Variants in TNS1 observed in about 807,000 individuals in gnomAD.
TNS1 encodes tensin-1.
TNS1 carries 62 observed loss-of-function variants against 168.6 expected under a neutral mutation model. The observed-to-expected ratio is 0.37, with a 90% CI of 0.30 to 0.45. The LOEUF is 0.45. TNS1 is among the 20% of genes least tolerant of loss of function. TNS1 has a pLI of 1.00. For synonymous variants in TNS1, 934 were observed against 933.2 expected (o/e 1.00, Z -0.02); for missense variants, 2,240 against 2,339.4 (o/e 0.96, Z 0.88).
At chr2:217,839,888 G>T (rs1352565928) in intron 19 of TNS1, among the ~76,000 whole-genome samples, 1 of 152,198 alleles carries the variant, frequency 6.6e-6, no homozygotes, top group African/African-American at 2.4e-5. Context: ...CTGGGCCAGG[G>T]TGCCAGAAAG....
At chr2:217,939,975 C>T (rs1384170997) in intron 3 of TNS1, among the ~76,000 whole-genome samples, 1 of 152,234 alleles carries the variant, frequency 6.6e-6, no homozygotes, top group African/African-American at 2.4e-5. Context: ...CGCTCCAGAC[C>T]ATTGGAGGGA....
chr2:218,014,921 A>G (rs13034359), upstream of TNS1, among the ~76,000 whole-genome samples: 1,708 of 76,310 alleles, frequency 0.022, 26 homozygotes, highest in Non-Finnish European at 0.028. Flanking sequence ...GGAAGGAAGG[A>G]AGGCAGGCAG....
chr2:217,988,097 C>A (rs1461582321), intron 2 of TNS1, among the ~76,000 whole-genome samples: 1 of 152,228 alleles, frequency 6.6e-6, no homozygotes, highest in Non-Finnish European at 1.5e-5. Context: ...CTGGCCCCTG[C>A]ACCTTCCATG....
intron 2 of TNS1, among the ~76,000 whole-genome samples, chr2:217,980,504 C>CAGAGAGTGAG (rs1217065280): frequency 7.6e-6 from 1 of 131,232 alleles, no homozygotes; most frequent in African/African-American, 2.8e-5. Flanking sequence ...CCTACACACA[C>CAGAGAGTGAG]ACAGAGAGAG....
intron 4 of TNS1, among the ~76,000 whole-genome samples, chr2:217,910,713 TACACACACACACACACACACAC>T (rs10554233): frequency 1.9e-5 from 2 of 106,738 alleles, no homozygotes; most frequent in Non-Finnish European, 2.1e-5. Flanking sequence ...CACATACACA[TACACACACACACACACACACAC>T]ACACACACAC....
chr2:217,956,440 GA>G (rs1286754775), intron 3 of TNS1, among the ~76,000 whole-genome samples: 3 of 97,592 alleles, frequency 3.1e-5, no homozygotes, highest in Admixed American at 8.7e-5. Flanking sequence ...GCAGAAAAGA[GA>G]AAGAACAAAG....
chr2:217,934,815 AACAGGATCCC>A (rs1180992188), intron 3 of TNS1, among the ~76,000 whole-genome samples: 4 of 152,362 alleles, frequency 2.6e-5, no homozygotes, highest in Non-Finnish European at 4.4e-5. Context: ...CTGAAGAGCC[AACAGGATCCC>A]ACCTCGATGC....
intron 23 of TNS1, among the ~76,000 whole-genome samples, chr2:217,821,082 T>C (rs1431388030): frequency 2.0e-5 from 3 of 152,244 alleles, no homozygotes; most frequent in Non-Finnish European, 4.4e-5. Context: ...AAATCCTCGC[T>C]GCATCCCTAG....
chr2:217,828,566 G>A (rs570028972), intron 22 of TNS1, among the ~76,000 whole-genome samples: 1 of 152,124 alleles, frequency 6.6e-6, no homozygotes, highest in African/African-American at 2.4e-5. Flanking sequence ...CTGGCCTCCC[G>A]CCCAGGCTGG....
chr2:217,947,391 C>A (rs1559382915), intron 3 of TNS1, among the ~76,000 whole-genome samples: 2 of 151,956 alleles, frequency 1.3e-5, no homozygotes. Flanking sequence ...CAGTGCCTGG[C>A]ATCGAGCAGG....
chr2:217,870,270 C>T (rs1386750177), intron 18 of TNS1, among the ~76,000 whole-genome samples: 11 of 152,178 alleles, frequency 7.2e-5, no homozygotes, highest in Admixed American at 4.6e-4. Context: ...ACCCCTACCC[C>T]GTCTCCAGAC....
intron 18 of TNS1, among the ~76,000 whole-genome samples, chr2:217,869,627 C>T (rs1036212000): frequency 1.2e-4 from 19 of 152,206 alleles, no homozygotes; most frequent in Admixed American, 4.6e-4. Context: ...AGGCAGCCCT[C>T]AGCCAGCCAA....
In TNS1 at chr2:217,818,088, A is replaced by G; in HGVS notation, c.4244T>C (p.Val1415Ala). 1 of 1,613,562 alleles carries G rather than the reference A, an allele frequency of 6.2e-7. No individual in the cohort carries two copies. Among genetic ancestry groups the G allele is most frequent in the Non-Finnish European group, 8.5e-7 (1 of 1,179,840 alleles). The change falls in exon 24 of 33, where the codon GTT becomes GCT. Residue 1415 changes from valine (V) to alanine (A), a missense_variant. Coordinates refer to ENST00000682258, the MANE Select transcript of TNS1 (RefSeq NM_001387777.1). Reference sequence around the variant, plus strand: ...CCGGTCCAAGCAGGGGCTGCCGGGAACCACAGATCCAGACCCTCCGAGGTG... The same window carrying G: ...CCGGTCCAAGCAGGGGCTGCCGGGAGCCACAGATCCAGACCCTCCGAGGTG... The part of the protein sequence containing the change: ...GRHLGGSGSV[V>A]PGSPCLDRHV...
chr2:217,856,656 G>A (rs566198572), intron 18 of TNS1, among the ~76,000 whole-genome samples: 8 of 152,194 alleles, frequency 5.3e-5, no homozygotes, highest in African/African-American at 1.9e-4. Context: ...AGACTTAGGT[G>A]CACGTTGGGA....
intron 3 of TNS1, among the ~76,000 whole-genome samples, chr2:217,951,826 C>T (rs1481339688): frequency 6.6e-6 from 1 of 152,262 alleles, no homozygotes; most frequent in Non-Finnish European, 1.5e-5. Flanking sequence ...GCTTCACAGG[C>T]TAGACGTCCC....
At chr2:217,840,839 T>C (rs1017998065) in intron 19 of TNS1, among the ~76,000 whole-genome samples, 1 of 152,218 alleles carries the variant, frequency 6.6e-6, no homozygotes, top group Non-Finnish European at 1.5e-5. Context: ...CCCTGAATGT[T>C]AGTCTAGTTA....
At chr2:218,025,469 C>G (rs1247550386) in intron 1 of TNS1, among the ~76,000 whole-genome samples, 1 of 152,054 alleles carries the variant, frequency 6.6e-6, no homozygotes, top group African/African-American at 2.4e-5. Context: ...AGGCTGGTCT[C>G]GAACTCCTGC....
chr2:218,031,126 C>T lies in TNS1; in HGVS notation c.156+2694G>A, dbSNP rs115545567. Among the ~76,000 whole-genome samples, 4 of 85,106 alleles carry T rather than the reference C, an allele frequency of 4.7e-5. 1 individual carries two copies. The highest frequency in any genetic ancestry group is 8.2e-5 in the Non-Finnish European group (4 of 48,726). The allele number at this position is 85,106 out of a possible 152,430, so 55.8% of individuals were successfully genotyped here. Reference sequence around the variant, plus strand: ...TGTGTATGAGTGTGTGTGAGCATGTCTGTGTGTGTGTGTGTATGTGTTGTG... The same window carrying T: ...TGTGTATGAGTGTGTGTGAGCATGTTTGTGTGTGTGTGTGTATGTGTTGTG... On this transcript the variant is annotated intron_variant, in intron 1 of 1. Transcript: ENST00000649572.
intron 2 of TNS1, among the ~76,000 whole-genome samples, chr2:217,980,789 C>T (rs1367966778): frequency 6.6e-6 from 1 of 152,110 alleles, no homozygotes; most frequent in Non-Finnish European, 1.5e-5. Flanking sequence ...CCAGCATGCT[C>T]CCTGCTCTGC....
Sources: allele counts gnomAD v4.1 joint callset (sites outside exome capture counted in the v4.1 genomes callset), GRCh38; gene constraint gnomAD v4.1.1; transcripts MANE v1.5; gene names NCBI Gene and HGNC (gene_info 2026-07-23, HGNC 2026-07-21).